Variants in CFAP206 observed in about 807,000 individuals in gnomAD.
The protein encoded by CFAP206 is cilia- and flagella-associated protein 206.
A neutral mutation model predicts 65.4 loss-of-function variants in CFAP206; 53 were observed. The ratio of observed to expected loss-of-function variants is 0.81; its 90% confidence interval spans 0.65 to 1.02. The LOEUF (loss-of-function observed/expected upper bound fraction) is 1.02. Ranked by LOEUF, CFAP206 falls within the 50% of genes least tolerant of loss-of-function variation. CFAP206 has a pLI of 0.00. For synonymous variants in CFAP206, 250 were observed against 254.4 expected (o/e 0.98, Z 0.17); for missense variants, 663 against 753.2 (o/e 0.88, Z 1.40).
intron 3 of CFAP206, among the ~76,000 whole-genome samples, chr6:87,413,510 A>G (rs935588647): frequency 6.6e-5 from 10 of 152,202 alleles, no homozygotes; most frequent in Non-Finnish European, 1.3e-4. Flanking sequence ...CTTAATGGGT[A>G]CAATGTCCAC....
In CFAP206 at chr6:87,418,260, C is replaced by T; in HGVS notation, c.684C>T (p.Tyr228=). ...CAGCCACCATGCAGCATATTGATTA[C>T]CAGCTTGAGACTGCCCGGAGCCAGG... ...AIPATMQHID[Y]QLETARSQVY... is the part of the protein sequence containing the mutation. The change falls in exon 7 of 13, where the codon TAC becomes TAT. Residue 228 remains tyrosine, a synonymous_variant. Transcript: ENST00000369562. The T allele has an allele frequency of 6.2e-7, 1 of 1,614,116 alleles. No homozygotes were observed.
At chr6:87,417,186 A>C (rs1767847959) in intron 6 of CFAP206, among the ~76,000 whole-genome samples, 1 of 152,178 alleles carries the variant, frequency 6.6e-6, no homozygotes, top group Non-Finnish European at 1.5e-5. Flanking sequence ...CTTCCTGAAA[A>C]CAGTTCCTGG....
chr6:87,455,653 A>G (rs1046438119), intron 11 of CFAP206, among the ~76,000 whole-genome samples: 1 of 152,158 alleles, frequency 6.6e-6, no homozygotes, highest in African/African-American at 2.4e-5. Flanking sequence ...AGAAGACCCA[A>G]AGAAAATCAA....
chr6:87,447,950 C>CA (rs1768471561), intron 11 of CFAP206, among the ~76,000 whole-genome samples: 7 of 50,330 alleles, frequency 1.4e-4, no homozygotes, highest in South Asian at 1.3e-3. Flanking sequence ...TCTAGATTTT[C>CA]TTTATTATTA....
In CFAP206 at chr6:87,428,839, C is replaced by A. The variant is rs762296704; in HGVS notation, c.1159+15C>A. The stretch of plus-strand genomic sequence containing the variant: ...AGAACACATGGGTAATGAAAATCAT[C>A]CATTATTTCCTCTTCTTTTTAAAAT... On this transcript the variant is annotated intron_variant, in intron 9 of 12. Transcript: ENST00000369562. 22 of 1,603,480 alleles carry A rather than the reference C, an allele frequency of 1.4e-5. No individual in the cohort carries two copies. The highest frequency in any genetic ancestry group is 1.9e-5 in the Non-Finnish European group (22 of 1,170,464).
intron 11 of CFAP206, among the ~76,000 whole-genome samples, chr6:87,460,097 C>T (rs1348371777): frequency 6.6e-6 from 1 of 152,136 alleles, no homozygotes; most frequent in Non-Finnish European, 1.5e-5. Context: ...AAATGTTAGA[C>T]ACTCAGTGAT....
At chr6:87,426,715 G>T (rs528174365) in intron 8 of CFAP206, 70 bp downstream of exon 8, 21 of 1,141,952 alleles carry the variant, frequency 1.8e-5, no homozygotes, top group Non-Finnish European at 2.2e-5. Flanking sequence ...TGGATCGCAA[G>T]TCATTATAAT....
chr6:87,410,645 A>T lies in CFAP206; in HGVS notation c.169A>T (p.Ser57Cys), dbSNP rs1259739583. Residue 57 changes from serine (S) to cysteine (C), a missense_variant, in exon 3 of 13, where the codon AGT becomes TGT. By Grantham distance (112) the Ser-to-Cys change is moderately radical. Transcript: ENST00000369562. ...TAACATGGATAGAACCCTCATGAAA[A>T]GTGATGTGCAGAATCTTGTTAAGGT... ...GFNMDRTLMK[S>C]DVQNLVKLCM... is the part of the protein sequence containing the mutation. 1 of 1,613,994 alleles carries T rather than the reference A, an allele frequency of 6.2e-7. No individual in the cohort carries two copies. The highest frequency in any genetic ancestry group is 8.5e-7 in the Non-Finnish European group (1 of 1,179,916).
At chr6:87,438,353 C>T (rs1052625075) in intron 11 of CFAP206, among the ~76,000 whole-genome samples, 16 of 148,504 alleles carry the variant, frequency 1.1e-4, no homozygotes, top group Admixed American at 5.5e-4. Context: ...CCCAGCTACT[C>T]GGGAGGCTGA....
At position 87,416,684 on chromosome 6, in the gene CFAP206, T is replaced by C. The variant is rs770165847; in HGVS notation, c.488T>C (p.Val163Ala). 3.1e-6 allele frequency: 5 copies of C among 1,611,906 alleles called. No homozygotes were observed. In the South Asian group the frequency reaches 5.5e-5, roughly 18 times the overall value. ...VREVTAALQS[V>A]FPQAELGTFL... ...TTTATTTTAGCTGCTCTACAGAGTGTTTTTCCTCAGGCAGAGCTTGGGACA... is the reference window on the plus strand; with the variant it reads ...TTTATTTTAGCTGCTCTACAGAGTGCTTTTCCTCAGGCAGAGCTTGGGACA... Residue 163 changes from valine (V) to alanine (A), a missense_variant, in exon 6 of 13, where the codon GTT becomes GCT. Transcript: ENST00000369562.
At chr6:87,457,599 A>G (rs1768670327) in intron 11 of CFAP206, among the ~76,000 whole-genome samples, 2 of 152,356 alleles carry the variant, frequency 1.3e-5, no homozygotes, top group African/African-American at 4.8e-5. Context: ...TGGTGCTGGG[A>G]AAACTGGATA....
intron 3 of CFAP206, among the ~76,000 whole-genome samples, chr6:87,412,794 G>T (rs1216341506): frequency 6.6e-6 from 1 of 152,078 alleles, no homozygotes; most frequent in Non-Finnish European, 1.5e-5. Context: ...CCGAGTAGCT[G>T]GGACTACAGG....
At chr6:87,449,238 C>T (rs1047732049) in intron 11 of CFAP206, among the ~76,000 whole-genome samples, 4 of 152,066 alleles carry the variant, frequency 2.6e-5, no homozygotes, top group African/African-American at 7.2e-5. Flanking sequence ...AGATTGAGAC[C>T]ATCCTGGCTA....
At chr6:87,442,479 C>T (rs1327067737) in intron 11 of CFAP206, among the ~76,000 whole-genome samples, 2 of 152,082 alleles carry the variant, frequency 1.3e-5, no homozygotes, top group East Asian at 1.9e-4. Context: ...TGTCATTATA[C>T]TCTTTACTTT....
At chr6:87,423,349 C>A (rs185996296) in intron 7 of CFAP206, among the ~76,000 whole-genome samples, 6,116 of 151,396 alleles carry the variant, frequency 0.04, 412 homozygotes, top group African/African-American at 0.14. Flanking sequence ...CCCGGGTTCA[C>A]GCCATTCTCC....
At chr6:87,436,633 A>T (rs536270810) in intron 11 of CFAP206, 1 of 152,396 alleles carries the variant, frequency 6.6e-6, no homozygotes, top group South Asian at 2.1e-4. Flanking sequence ...TGCTATTCTG[A>T]CATCGTGATG....
At position 87,434,953 on chromosome 6, in the gene CFAP206, A is replaced by G; in HGVS notation, c.1394A>G (p.His465Arg). The stretch of plus-strand genomic sequence containing the variant: ...TATTCATTTGCAGAAAATCCTGAAC[A>G]TTATATTGACATAGTTAGAGAAAAG... ...AAYSFAENPE[H>R]YIDIVREKAK... Residue 465 changes from histidine to arginine, a missense_variant, in exon 11 of 13, where the codon CAT (histidine) becomes CGT (arginine). His to Arg is a conservative substitution (Grantham distance 29). Transcript: ENST00000369562. 1.3e-6 allele frequency: 2 copies of G among 1,587,354 alleles called. No individual in the cohort carries two copies. Among genetic ancestry groups the G allele is most frequent in the East Asian group, 4.5e-5 (2 of 44,644 alleles).
At chr6:87,458,958 A>C (rs1768697551) in intron 11 of CFAP206, among the ~76,000 whole-genome samples, 1 of 152,140 alleles carries the variant, frequency 6.6e-6, no homozygotes, top group Non-Finnish European at 1.5e-5. Context: ...TACCCATAAA[A>C]ATTAAAAAAT....
intron 10 of CFAP206, among the ~76,000 whole-genome samples, chr6:87,433,151 C>A (rs751343479): frequency 6.6e-6 from 1 of 152,228 alleles, no homozygotes; most frequent in African/African-American, 2.4e-5. Context: ...AATCGCCTTG[C>A]TGCCTCATTT....
Sources: gnomAD v4.1 joint callset for allele counts (sites outside exome capture counted in the v4.1 genomes callset) on GRCh38, gnomAD v4.1.1 for gene constraint, MANE v1.5 for transcripts, NCBI Gene and HGNC (gene_info 2026-07-23, HGNC 2026-07-21) for gene names.